The following FRK variants were observed in gnomAD, a reference collection of about 807,000 sequenced individuals.
FRK encodes the protein tyrosine-protein kinase FRK.
A neutral mutation model predicts 56.4 loss-of-function variants in FRK; 51 were observed. The observed-to-expected ratio is 0.90, with a 90% CI of 0.72 to 1.14. The LOEUF is 1.14. Ranked by LOEUF, FRK falls within the 50% of genes most tolerant of loss-of-function variation. The probability of loss-of-function intolerance (pLI) is 0.00; values close to 1 mark genes in which losing one functional copy is unlikely to be tolerated. For missense variants in FRK, 570 were observed against 601.4 expected (o/e 0.95, Z 0.55); for synonymous variants, 245 against 217.9 (o/e 1.12, Z -1.10).
upstream of FRK, among the ~76,000 whole-genome samples, chr6:116,063,519 A>G (rs551652125): frequency 1.1e-4 from 16 of 152,248 alleles, no homozygotes; most frequent in African/African-American, 3.9e-4. Flanking sequence ...AATCCAACAC[A>G]TAGAAGCAGA....
chr6:116,080,515 T>C, the FRK span, among the ~76,000 whole-genome samples: 1 of 152,216 alleles, frequency 6.6e-6, no homozygotes, highest in Non-Finnish European at 1.5e-5. Context: ...CAGATTTGCC[T>C]ACGCAAAAAT....
At chr6:115,985,502 T>C (rs1310804617) in intron 2 of FRK, among the ~76,000 whole-genome samples, 1 of 152,172 alleles carries the variant, frequency 6.6e-6, no homozygotes, top group Non-Finnish European at 1.5e-5. Context: ...CATATTCTTT[T>C]TTATTGTACA....
chr6:115,940,595 A>G lies in FRK; in HGVS notation c.*1819T>C, dbSNP rs1387227620. The G allele has an allele frequency of 5.3e-5, 8 of 152,242 alleles. No homozygotes were observed. Among genetic ancestry groups the G allele is most frequent in the Admixed American group, 5.2e-4 (8 of 15,288 alleles). The allele number at this position is 152,242 out of a possible 1,614,324, so 9.4% of individuals were successfully genotyped here. A position where few individuals can be genotyped will look rare whatever the true frequency, so the allele number is the denominator to read the frequency against. On this transcript the variant is annotated 3_prime_UTR_variant, in exon 8 of 8. Coordinates refer to ENST00000606080, the MANE Select transcript of FRK (RefSeq NM_002031.3). Reference sequence around the variant, plus strand: ...AAGCTATCCATCTGACAAAGGGCTAATACCAAGAATCTACAAGGAACATAA... The same window carrying G: ...AAGCTATCCATCTGACAAAGGGCTAGTACCAAGAATCTACAAGGAACATAA...
chr6:116,055,836 TTA>T (rs1365507353), intron 1 of FRK, among the ~76,000 whole-genome samples: 1 of 152,158 alleles, frequency 6.6e-6, no homozygotes, highest in Non-Finnish European at 1.5e-5. Flanking sequence ...ACAATAAACT[TTA>T]GAGATGATTG....
intron 1 of FRK, among the ~76,000 whole-genome samples, chr6:116,057,912 A>G (rs993308531): frequency 6.6e-6 from 1 of 152,178 alleles, no homozygotes; most frequent in South Asian, 2.1e-4. Context: ...GACTTGTTTC[A>G]GTTAATTTGC....
At chr6:115,955,650 G>C (rs1772954678) in intron 5 of FRK, among the ~76,000 whole-genome samples, 1 of 152,076 alleles carries the variant, frequency 6.6e-6, no homozygotes, top group African/African-American at 2.4e-5. Context: ...GAAATCAGAG[G>C]ATATTCTTAT....
At chr6:116,098,123 TTTTTA>T in the FRK span, among the ~76,000 whole-genome samples, 3 of 134,054 alleles carry the variant, frequency 2.2e-5, no homozygotes, top group African/African-American at 3.0e-5. Context: ...TTTTTTTTTT[TTTTTA>T]AAAGACAGGG....
the FRK span, among the ~76,000 whole-genome samples, chr6:116,080,903 ATGC>A: frequency 6.6e-6 from 1 of 152,236 alleles, no homozygotes; most frequent in Non-Finnish European, 1.5e-5. Context: ...GTCTGTTCTC[ATGC>A]TGCTAATAAA....
intron 1 of FRK, among the ~76,000 whole-genome samples, chr6:116,044,649 A>T (rs1582751662): frequency 1.3e-5 from 2 of 152,214 alleles, no homozygotes; most frequent in Non-Finnish European, 2.9e-5. Context: ...CAAAAGCTGG[A>T]AGCATTCCCT....
intron 1 of FRK, among the ~76,000 whole-genome samples, chr6:116,038,436 G>A (rs1459826979): frequency 3.3e-5 from 5 of 152,090 alleles, no homozygotes; most frequent in Admixed American, 1.3e-4. Context: ...AAAAAAGAGA[G>A]TGTGAGAAGG....
Position 115,944,284 on chromosome 6 carries a change from ATAT to A in FRK, c.1097_1099del (p.Asn366del). 6.2e-7 allele frequency: 1 copy of A among 1,612,702 alleles called. No individual in the cohort carries two copies. The highest frequency in any genetic ancestry group is 1.1e-5 in the South Asian group (1 of 90,966). On this transcript the variant is annotated inframe_deletion, in exon 6 of 8. Coordinates refer to ENST00000606080, the MANE Select transcript of FRK (RefSeq NM_002031.3). ...AAGTCCAAAATCTGCTACTTTGTAG[ATAT>A]TATGTTCACCAACGAGGACATTTCT... is the stretch of plus-strand genomic sequence containing the variant.
At chr6:116,018,790 A>AT (rs942747998) in intron 1 of FRK, among the ~76,000 whole-genome samples, 4 of 151,616 alleles carry the variant, frequency 2.6e-5, no homozygotes, top group Non-Finnish European at 2.9e-5. Flanking sequence ...GCCTGGGATA[A>AT]TTTTTTTTTA....
In FRK at chr6:115,932,461, C is replaced by G. The variant is rs556305752; in HGVS notation, c.*9953G>C. ...CAAGAATCAAACATTGTCAGATCAG[C>G]CCACTGGCAATTCCAATACCCAGGT... is the stretch of plus-strand genomic sequence containing the variant. On this transcript the variant is annotated 3_prime_UTR_variant, in exon 8 of 8. Transcript: ENST00000606080. 9 of 152,292 alleles carry G rather than the reference C, an allele frequency of 5.9e-5. No homozygotes were observed. Among genetic ancestry groups the G allele is most frequent in the Non-Finnish European group, 8.8e-5 (6 of 68,024 alleles). The allele number at this position is 152,292 out of a possible 1,614,324, so 9.4% of individuals were successfully genotyped here. A position where few individuals can be genotyped will look rare whatever the true frequency, so the allele number is the denominator to read the frequency against.
Position 115,956,576 on chromosome 6 carries a change from T to C in FRK, c.834A>G (p.Ala278=). 6.3e-7 allele frequency: 1 copy of C among 1,586,092 alleles called. No homozygotes were observed. Among genetic ancestry groups the C allele is most frequent in the Non-Finnish European group, 8.6e-7 (1 of 1,167,344 alleles). ...SMDPNDFLRE[A]QIMKNLRHPK... Reference sequence around the variant, plus strand: ...GATGTCTTAGGTTCTTCATTATCTGTGCCTCCCTCAGGAAGTCATTTGGAT... The same window carrying C: ...GATGTCTTAGGTTCTTCATTATCTGCGCCTCCCTCAGGAAGTCATTTGGAT... Residue 278 remains alanine (A), a synonymous_variant, in exon 5 of 8, where the codon GCA becomes GCG. Transcript: ENST00000606080.
chr6:115,952,183 T>C (rs1157549621), intron 5 of FRK, among the ~76,000 whole-genome samples: 1 of 152,168 alleles, frequency 6.6e-6, no homozygotes, highest in Non-Finnish European at 1.5e-5. Flanking sequence ...AGCTCTTTAG[T>C]TTAATTAGAT....
At chr6:116,058,835 C>T (rs1212373470) in intron 1 of FRK, among the ~76,000 whole-genome samples, 4 of 143,718 alleles carry the variant, frequency 2.8e-5, no homozygotes, top group Non-Finnish European at 6.0e-5. Flanking sequence ...GGCGTGAACC[C>T]GGGAGGCGGA....
At chr6:116,086,680 T>A in the FRK span, among the ~76,000 whole-genome samples, 1 of 152,256 alleles carries the variant, frequency 6.6e-6, no homozygotes, top group African/African-American at 2.4e-5. Context: ...ACTAAGGACA[T>A]GGGATTCAGA....
At chr6:115,984,281 A>G (rs1169108303) in intron 2 of FRK, among the ~76,000 whole-genome samples, 1 of 152,166 alleles carries the variant, frequency 6.6e-6, no homozygotes, top group African/African-American at 2.4e-5. Context: ...ACTTAGCACG[A>G]AATTTTCAAA....
chr6:116,042,642 TAA>T (rs1776766677), intron 1 of FRK, among the ~76,000 whole-genome samples: 2 of 152,106 alleles, frequency 1.3e-5, no homozygotes, highest in African/African-American at 4.8e-5. Flanking sequence ...TACCAAATTG[TAA>T]AGACCATCGA....
Sources: allele counts gnomAD v4.1 joint callset (sites outside exome capture counted in the v4.1 genomes callset), GRCh38; gene constraint gnomAD v4.1.1; transcripts MANE v1.5; gene names NCBI Gene and HGNC (gene_info 2026-07-23, HGNC 2026-07-21).